GRIP1: variants seen among roughly 807,000 people sequenced by gnomAD.
The protein encoded by GRIP1 is glutamate receptor interacting protein 1.
GRIP1 carries 45 observed loss-of-function variants against 129.9 expected under a neutral mutation model. The observed-to-expected ratio is 0.35, with a 90% CI of 0.27 to 0.44. The LOEUF is 0.44. GRIP1 is among the 20% of genes least tolerant of loss of function. The probability of loss-of-function intolerance (pLI) is 1.00; values close to 1 mark genes in which losing one functional copy is unlikely to be tolerated. For synonymous variants in GRIP1, 530 were observed against 520.8 expected (o/e 1.02, Z -0.24); for missense variants, 1,196 against 1,396.8 (o/e 0.86, Z 2.29).
chr12:66,500,286 C>T (rs78897168), intron 7 of GRIP1, among the ~76,000 whole-genome samples: 6 of 152,226 alleles, frequency 3.9e-5, no homozygotes, highest in African/African-American at 1.4e-4. Flanking sequence ...AAATCTGAGT[C>T]CTTTTAATCA....
intron 5 of GRIP1, among the ~76,000 whole-genome samples, chr12:66,525,853 G>T (rs2061214607): frequency 6.6e-6 from 1 of 151,864 alleles, no homozygotes; most frequent in Non-Finnish European, 1.5e-5. Flanking sequence ...CAAAATCAAT[G>T]TACAAAAATC....
At chr12:66,984,579 C>T (rs939488215) in intron 1 of GRIP1, among the ~76,000 whole-genome samples, 10 of 152,136 alleles carry the variant, frequency 6.6e-5, no homozygotes, top group African/African-American at 2.2e-4. Flanking sequence ...TTATGATTAT[C>T]CCCATTTTAT....
intron 1 of GRIP1, among the ~76,000 whole-genome samples, chr12:67,068,386 C>G (rs1378734746): frequency 6.6e-6 from 1 of 152,184 alleles, no homozygotes; most frequent in African/African-American, 2.4e-5. Context: ...CGGTATTAAA[C>G]TGACAGCGGG....
chr12:66,485,021 T>C (rs965789446), intron 7 of GRIP1, among the ~76,000 whole-genome samples: 7 of 152,232 alleles, frequency 4.6e-5, no homozygotes, highest in Admixed American at 2.0e-4. Context: ...AGAATGGGTA[T>C]GCATTTCTGT....
intron 1 of GRIP1, among the ~76,000 whole-genome samples, chr12:66,811,307 C>A (rs1415873691): frequency 6.6e-6 from 1 of 152,050 alleles, no homozygotes; most frequent in Non-Finnish European, 1.5e-5. Flanking sequence ...GCCGTTCTGA[C>A]TATTATAAGG....
chr12:67,057,387 C>T (rs560578662), intron 1 of GRIP1, among the ~76,000 whole-genome samples: 1 of 151,566 alleles, frequency 6.6e-6, no homozygotes, highest in South Asian at 2.1e-4. Context: ...AAGGTAAAGC[C>T]CTCCAGGAAC....
chr12:67,051,222 G>A (rs1462033928), intron 1 of GRIP1, among the ~76,000 whole-genome samples: 1 of 152,156 alleles, frequency 6.6e-6, no homozygotes, highest in Non-Finnish European at 1.5e-5. Flanking sequence ...CAACCACCAA[G>A]ATCGGGGCTG....
intron 1 of GRIP1, among the ~76,000 whole-genome samples, chr12:66,958,475 A>G (rs1196420134): frequency 6.6e-6 from 1 of 152,174 alleles, no homozygotes; most frequent in Admixed American, 6.5e-5. Context: ...GAATAAAAAA[A>G]TGCTCCTCAT....
intron 14 of GRIP1, 60 bp from the exon 15 acceptor site, chr12:66,420,849 C>A: frequency 1.1e-6 from 1 of 924,672 alleles, no homozygotes; most frequent in Admixed American, 1.8e-5. Context: ...CCTTACTGTA[C>A]ATTTCCCCTG....
At chr12:66,782,252 A>G (rs2038184836) in intron 1 of GRIP1, among the ~76,000 whole-genome samples, 1 of 152,190 alleles carries the variant, frequency 6.6e-6, no homozygotes, top group Non-Finnish European at 1.5e-5. Flanking sequence ...TTTGATAAAG[A>G]GATATTAGGA....
chr12:66,903,712 G>A (rs2040881547), intron 1 of GRIP1, among the ~76,000 whole-genome samples: 1 of 152,146 alleles, frequency 6.6e-6, no homozygotes, highest in Non-Finnish European at 1.5e-5. Context: ...ACACAGAAGG[G>A]CTTAAATCTA....
rs11837522 is a variant in GRIP1, at chr12:67,064,619, C to T, written c.58+4431G>A. Among the ~76,000 whole-genome samples, 1,062 of 152,272 alleles carry T rather than the reference C, an allele frequency of 7.0e-3. 15 individuals carry two copies. The highest frequency in any genetic ancestry group is 0.023 in the African/African-American group (969 of 41,550). On this transcript the variant is annotated intron_variant, in intron 1 of 1. Coordinates refer to the GRIP1 transcript ENST00000643019. ...TTCCTTGGGAAAAAGTCAAATTCCA[C>T]ATTGGACTTTTTGTTAAGGAGGTTG...
chr12:66,456,464 A>C, intron 9 of GRIP1, 122 bp from the exon 10 acceptor site: 1 of 435,686 alleles, frequency 2.3e-6, no homozygotes, highest in South Asian at 2.0e-5. Flanking sequence ...AGCTGCTTGC[A>C]AATAAAAACA....
At chr12:66,511,939 G>A (rs2060711201) in intron 7 of GRIP1, among the ~76,000 whole-genome samples, 1 of 152,126 alleles carries the variant, frequency 6.6e-6, no homozygotes, top group African/African-American at 2.4e-5. Context: ...GGGACCTGGT[G>A]GGAGGTGATT....
At chr12:66,601,300 T>C (rs1475597653) in intron 1 of GRIP1, among the ~76,000 whole-genome samples, 1 of 152,156 alleles carries the variant, frequency 6.6e-6, no homozygotes, top group Non-Finnish European at 1.5e-5. Context: ...AATGCTTCAC[T>C]CTGCATCACA....
At chr12:66,456,741 G>C (rs2058977867) in intron 9 of GRIP1, among the ~76,000 whole-genome samples, 1 of 152,062 alleles carries the variant, frequency 6.6e-6, no homozygotes, top group Non-Finnish European at 1.5e-5. Context: ...TGGCCAGTTA[G>C]TAGCACTTGT....
intron 1 of GRIP1, among the ~76,000 whole-genome samples, chr12:66,853,591 C>T (rs2039952441): frequency 6.6e-6 from 1 of 152,036 alleles, no homozygotes; most frequent in Non-Finnish European, 1.5e-5. Context: ...ATCCAAGCTG[C>T]TCCCCAGCAG....
intron 13 of GRIP1, among the ~76,000 whole-genome samples, chr12:66,440,920 T>C (rs1469949902): frequency 6.6e-6 from 1 of 152,166 alleles, no homozygotes; most frequent in East Asian, 1.9e-4. Flanking sequence ...AACAAGCACA[T>C]AAGTAAATGC....
intron 1 of GRIP1, among the ~76,000 whole-genome samples, chr12:66,897,988 T>G (rs994295432): frequency 7.9e-5 from 12 of 152,206 alleles, no homozygotes; most frequent in African/African-American, 2.7e-4. Context: ...GCCTAACCTG[T>G]GTACTGTAAA....
Sources: gnomAD v4.1 joint callset for allele counts (sites outside exome capture counted in the v4.1 genomes callset) on GRCh38, gnomAD v4.1.1 for gene constraint, MANE v1.5 for transcripts, NCBI Gene and HGNC (gene_info 2026-07-23, HGNC 2026-07-21) for gene names.